Variants in RCN3 observed in about 807,000 individuals in gnomAD.
RCN3 encodes the protein reticulocalbin-3.
In RCN3, 41 loss-of-function variants were observed where a neutral mutation model predicts 35.9. The observed-to-expected ratio is 1.14, with a 90% CI of 0.89 to 1.48. RCN3 has a LOEUF of 1.48. Ranked by LOEUF, RCN3 falls within the 40% of genes most tolerant of loss-of-function variation. RCN3 has a pLI of 0.00. For missense variants in RCN3, 451 were observed against 471.3 expected, an observed-to-expected ratio of 0.96 and a Z score of 0.40; for synonymous variants, 187 against 193.4, an observed-to-expected ratio of 0.97 and a Z score of 0.27.
intron 3 of RCN3, among the ~76,000 whole-genome samples, chr19:49,536,288 C>CTTTTTTTT (rs968434638): frequency 2.8e-5 from 2 of 70,804 alleles, no homozygotes; most frequent in African/African-American, 6.1e-5. Context: ...ACCCGGCCTA[C>CTTTTTTTT]TTTTTTTTTT....
chr19:49,535,875 TAG>T (rs199814646), intron 3 of RCN3, among the ~76,000 whole-genome samples: 2,573 of 141,170 alleles, frequency 0.018, 103 homozygotes, highest in East Asian at 0.14. Context: ...TATATATATA[TAG>T]ATAGATAGAT....
chr19:49,532,238 T>G (rs950375859), intron 2 of RCN3, among the ~76,000 whole-genome samples: 1 of 135,152 alleles, frequency 7.4e-6, no homozygotes, highest in Non-Finnish European at 1.6e-5. Flanking sequence ...CCCGAGTAGC[T>G]GGGACTACAG....
At position 49,534,247 on chromosome 19, in the gene RCN3, G is replaced by A. The variant is rs2080123456; in HGVS notation, c.297G>A (p.Leu99=). Reference sequence around the variant, plus strand: ...GGGACGGCGACGGCTGGGTGTCGCTGGCCGAGCTTCGCGCGTGGATCGCGC... The same window carrying A: ...GGGACGGCGACGGCTGGGTGTCGCTAGCCGAGCTTCGCGCGTGGATCGCGC... The part of the protein sequence containing the change: ...RAGDGDGWVS[L]AELRAWIAHT... Residue 99 remains leucine, a synonymous_variant, in exon 3 of 7, where the codon CTG becomes CTA. Transcript: ENST00000270645. 2 of 1,472,634 alleles carry A rather than the reference G, an allele frequency of 1.4e-6. No homozygotes were observed. The highest frequency in any genetic ancestry group is 5.3e-5 in the East Asian group (2 of 37,412). The allele number at this position is 1,472,634 out of a possible 1,614,324, so 91.2% of individuals were successfully genotyped here.
At position 49,543,264 on chromosome 19, in the gene RCN3, G is replaced by A. The variant is rs569005800; in HGVS notation, c.*51G>A. The A allele has an allele frequency of 3.2e-5, 46 of 1,446,760 alleles. No homozygotes were observed. The African/African-American group carries it at 3.7e-4, about 11-fold the overall frequency. 89.6% of individuals were successfully genotyped at this position (1,446,760 alleles called of 1,614,324 possible). A position where few individuals can be genotyped will look rare whatever the true frequency, so the allele number is the denominator to read the frequency against. On this transcript the variant is annotated 3_prime_UTR_variant, in exon 7 of 7. Coordinates refer to ENST00000270645, the MANE Select transcript of RCN3 (RefSeq NM_020650.3). The stretch of plus-strand genomic sequence containing the variant: ...GAGGCCCGCACAATGACCGGAGGAG[G>A]GGCCGCTGTGGTCTGGCCCCCTCCC...
chr19:49,534,253 G>GCTTCGC lies in RCN3; in HGVS notation c.304_309dup (p.Leu102_Arg103dup). On this transcript the variant is annotated inframe_insertion, in exon 3 of 7. Transcript: ENST00000270645. ...GCGACGGCTGGGTGTCGCTGGCCGA[G>GCTTCGC]CTTCGCGCGTGGATCGCGCACACGC... 6.8e-7 allele frequency: 1 copy of GCTTCGC among 1,468,826 alleles called. No individual in the cohort carries two copies. The highest frequency in any genetic ancestry group is 9.0e-7 in the Non-Finnish European group (1 of 1,114,272). 91.0% of individuals were successfully genotyped at this position (1,468,826 alleles called of 1,614,324 possible).
chr19:49,538,908 G>A (rs184723514), intron 4 of RCN3, among the ~76,000 whole-genome samples: 2 of 152,290 alleles, frequency 1.3e-5, no homozygotes, highest in Non-Finnish European at 2.9e-5. Flanking sequence ...CTCTGGCCCC[G>A]TAAATGCAGG....
Position 49,537,158 on chromosome 19 carries a change from T to G in RCN3, c.571T>G (p.Phe191Val), listed in dbSNP as rs2080140079. 2 of 1,583,588 alleles carry G rather than the reference T, an allele frequency of 1.3e-6. No individual in the cohort carries two copies. The highest frequency in any genetic ancestry group is 4.7e-5 in the East Asian group (2 of 42,372). ...GGCCACTCGAGAGGAGCTGACAGCC[T>G]TCCTGCACCCCGAGGAGTTCCCTCA... The part of the protein sequence containing the change: ...SMATREELTA[F>V]LHPEEFPHMR... The change falls in exon 4 of 7, where the codon TTC becomes GTC. Residue 191 changes from phenylalanine to valine, a missense_variant. Physicochemically the swap from Phe to Val is conservative, Grantham distance 50. Coordinates refer to ENST00000270645, the MANE Select transcript of RCN3 (RefSeq NM_020650.3).
At chr19:49,541,168 T>G (rs533400697) in intron 5 of RCN3, among the ~76,000 whole-genome samples, 1 of 151,886 alleles carries the variant, frequency 6.6e-6, no homozygotes, top group East Asian at 2.0e-4. Flanking sequence ...GACCTCAGGT[T>G]ATCCACCTGC....
In RCN3 at chr19:49,534,237, G is replaced by A; in HGVS notation, c.287G>A (p.Trp96Ter). 1 of 1,474,802 alleles carries A rather than the reference G, an allele frequency of 6.8e-7. No homozygotes were observed. Among genetic ancestry groups the A allele is most frequent in the Non-Finnish European group, 8.9e-7 (1 of 1,118,070 alleles). 91.4% of individuals were successfully genotyped at this position (1,474,802 alleles called of 1,614,324 possible). Residue 96 changes from tryptophan to a stop codon, truncating the protein, a stop_gained, in exon 3 of 7, where the codon TGG becomes TAG. Coordinates refer to ENST00000270645, the MANE Select transcript of RCN3 (RefSeq NM_020650.3). LOFTEE classifies it high-confidence loss of function. ...RMDRAGDGDGWVSLAELRAWI... is the reference protein window; with the variant it reads ...RMDRAGDGDG ...GACCGCGCGGGGGACGGCGACGGCT[G>A]GGTGTCGCTGGCCGAGCTTCGCGCG...
intron 6 of RCN3, 85 bp from the exon 7 acceptor site, chr19:49,543,021 G>C: frequency 8.7e-7 from 1 of 1,151,890 alleles, no homozygotes; most frequent in Non-Finnish European, 1.3e-6. Context: ...AAGGGTCCCA[G>C]AGACTTCGGG....
At chr19:49,536,977 C>G in intron 3 of RCN3, 56 bp from the exon 4 acceptor site, 1 of 1,422,732 alleles carries the variant, frequency 7.0e-7, no homozygotes, top group East Asian at 2.6e-5. Context: ...TTTGTTTTAA[C>G]CTGCTTGGCG....
At chr19:49,535,698 T>C (rs1158645015) in intron 3 of RCN3, among the ~76,000 whole-genome samples, 2 of 151,434 alleles carry the variant, frequency 1.3e-5, no homozygotes, top group Non-Finnish European at 2.9e-5. Flanking sequence ...CACAAAAAAA[T>C]ACTTAGCTGG....
At chr19:49,540,029 T>A (rs1040249366) in intron 5 of RCN3, among the ~76,000 whole-genome samples, 1 of 151,572 alleles carries the variant, frequency 6.6e-6, no homozygotes, top group African/African-American at 2.4e-5. Flanking sequence ...GGCCAGGAAT[T>A]TTTTTTTAAG....
At chr19:49,539,061 G>T in intron 4 of RCN3, 58 bp from the exon 5 acceptor site, 2 of 1,337,546 alleles carry the variant, frequency 1.5e-6, no homozygotes, top group African/African-American at 1.5e-5. Flanking sequence ...CAGGGGTCCA[G>T]CCTCCCCCAG....
rs1394765699 is a variant in RCN3 at position 49,534,259 on chromosome 19, C to G, written c.309C>G (p.Arg103=). Residue 103 remains arginine (R), a synonymous_variant, in exon 3 of 7, where the codon CGC becomes CGG. Transcript: ENST00000270645. ...GDGWVSLAEL[R]AWIAHTQQRH... is the part of the protein sequence containing the mutation. ...GCTGGGTGTCGCTGGCCGAGCTTCG[C>G]GCGTGGATCGCGCACACGCAGCAGC... 6.8e-7 allele frequency: 1 copy of G among 1,464,232 alleles called. No individual in the cohort carries two copies. The highest frequency in any genetic ancestry group is 2.5e-5 in the Admixed American group (1 of 40,016). The allele number at this position is 1,464,232 out of a possible 1,614,324, so 90.7% of individuals were successfully genotyped here.
chr19:49,532,424 G>T (rs552875538), intron 2 of RCN3, among the ~76,000 whole-genome samples: 1 of 151,812 alleles, frequency 6.6e-6, no homozygotes, highest in Non-Finnish European at 1.5e-5. Flanking sequence ...TGCCCAGGCT[G>T]GAGTGCAGTG....
intron 3 of RCN3, among the ~76,000 whole-genome samples, chr19:49,534,872 CCT>C (rs756300570): frequency 8.5e-5 from 13 of 152,254 alleles, no homozygotes; most frequent in Non-Finnish European, 1.9e-4. Flanking sequence ...ACTTCTGTGA[CCT>C]CTCATCCTGA....
At position 49,528,704 on chromosome 19, in the gene RCN3, G is replaced by T; in HGVS notation, c.232G>T (p.Ala78Ser). 1.3e-6 allele frequency: 2 copies of T among 1,593,310 alleles called. No homozygotes were observed. The highest frequency in any genetic ancestry group is 1.7e-6 in the Non-Finnish European group (2 of 1,169,102). ...FDQLTPEESQARLGRIVDRMD... is the reference protein window; with the variant it reads ...FDQLTPEESQSRLGRIVDRMD... ...CCAACTCACCCCAGAGGAAAGCCAG[G>T]CCCGTCTGGGGTAAGAGAGACATTC... The change falls in exon 2 of 7, where the codon GCC becomes TCC. Residue 78 changes from alanine (A) to serine (S), a missense_variant. By Grantham distance (99) the Ala-to-Ser change is moderately conservative. Transcript: ENST00000270645.
At chr19:49,538,653 C>T (rs957980879) in intron 4 of RCN3, among the ~76,000 whole-genome samples, 2 of 152,080 alleles carry the variant, frequency 1.3e-5, no homozygotes, top group African/African-American at 2.4e-5. Flanking sequence ...AATTGGGGAA[C>T]AAAAGTCGTT....
Sources: allele counts gnomAD v4.1 joint callset (sites outside exome capture counted in the v4.1 genomes callset), GRCh38; gene constraint gnomAD v4.1.1; transcripts MANE v1.5; gene names NCBI Gene and HGNC (gene_info 2026-07-23, HGNC 2026-07-21).